ERC2: variants seen among roughly 807,000 people sequenced by gnomAD.
ERC2 encodes ERC protein 2.
Under a neutral mutation model 114.8 loss-of-function variants are expected in ERC2, and 42 were observed. The observed-to-expected ratio is 0.37, with a 90% CI of 0.29 to 0.47. The LOEUF (loss-of-function observed/expected upper bound fraction) is 0.47. Ranked by LOEUF, ERC2 falls within the 20% of genes least tolerant of loss-of-function variation. The pLI is 0.99. For missense variants in ERC2, 939 were observed against 1,150.7 expected, an observed-to-expected ratio of 0.82 and a Z score of 2.66; for synonymous variants, 454 against 425.5, an observed-to-expected ratio of 1.07 and a Z score of -0.82.
At chr3:56,283,266 G>T (rs1302535293) in intron 3 of ERC2, among the ~76,000 whole-genome samples, 1 of 152,194 alleles carries the variant, frequency 6.6e-6, no homozygotes, top group Non-Finnish European at 1.5e-5. Context: ...CATCATGAAA[G>T]TATTGCAACA....
intron 17 of ERC2, among the ~76,000 whole-genome samples, chr3:55,675,291 G>T (rs929290449): frequency 6.6e-6 from 1 of 152,338 alleles, no homozygotes; most frequent in Middle Eastern, 3.4e-3. Context: ...AATGAGGGTT[G>T]CAGTAAGAGT....
chr3:56,069,221 G>A (rs1014484132), intron 7 of ERC2, among the ~76,000 whole-genome samples: 1 of 152,192 alleles, frequency 6.6e-6, no homozygotes, highest in African/African-American at 2.4e-5. Context: ...AACTGCTTTA[G>A]TTCCTAGCGG....
At chr3:55,857,143 T>A (rs2149254587) in intron 14 of ERC2, among the ~76,000 whole-genome samples, 1 of 152,258 alleles carries the variant, frequency 6.6e-6, no homozygotes, top group Non-Finnish European at 1.5e-5. Flanking sequence ...AATTGTATAC[T>A]TTATATTGGT....
intron 17 of ERC2, among the ~76,000 whole-genome samples, chr3:55,643,311 CA>C (rs1369869120): frequency 6.6e-6 from 1 of 152,026 alleles, no homozygotes; most frequent in Non-Finnish European, 1.5e-5. Flanking sequence ...GAAGATTTTT[CA>C]AAATCTTATT....
At chr3:56,414,734 A>G (rs2061081134) in intron 2 of ERC2, among the ~76,000 whole-genome samples, 1 of 151,776 alleles carries the variant, frequency 6.6e-6, no homozygotes, top group Non-Finnish European at 1.5e-5. Flanking sequence ...CAAAAAAAAA[A>G]AAAAGAAAAG....
intron 2 of ERC2, among the ~76,000 whole-genome samples, chr3:56,343,192 T>TCTCTCTCTCTCTCTCTCTCTCA (rs1376220124): frequency 1.7e-4 from 22 of 126,130 alleles, no homozygotes; most frequent in African/African-American, 6.7e-4. Flanking sequence ...TCTCTCTCTC[T>TCTCTCTCTCTCTCTCTCTCTCA]CACACACACA....
At chr3:55,572,091 C>T (rs146148745) in intron 17 of ERC2, among the ~76,000 whole-genome samples, 34 of 152,300 alleles carry the variant, frequency 2.2e-4, no homozygotes, top group African/African-American at 7.7e-4. Context: ...AGGGAGGTGG[C>T]GTTGGGACAG....
chr3:55,964,455 A>G (rs866500572), intron 12 of ERC2, among the ~76,000 whole-genome samples: 2 of 39,734 alleles, frequency 5.0e-5, no homozygotes, highest in Non-Finnish European at 1.1e-4. Context: ...GAAAGCTACA[A>G]TCTTTTTTTT....
At chr3:55,652,169 TG>T (rs1172685645) in intron 17 of ERC2, among the ~76,000 whole-genome samples, 1 of 152,188 alleles carries the variant, frequency 6.6e-6, no homozygotes, top group East Asian at 1.9e-4. Flanking sequence ...CACATCTGCA[TG>T]GGTTAAAAAA....
chr3:55,728,651 C>A (rs905589204), intron 15 of ERC2, among the ~76,000 whole-genome samples: 1 of 152,124 alleles, frequency 6.6e-6, no homozygotes, highest in African/African-American at 2.4e-5. Context: ...TGTTTCTGCC[C>A]ACTGAAGTTT....
chr3:56,467,932 G>A (rs2063624327), intron 1 of ERC2, among the ~76,000 whole-genome samples: 1 of 152,120 alleles, frequency 6.6e-6, no homozygotes. Context: ...CAGTGAGGGT[G>A]GCTGCCGGAG....
At chr3:55,678,934 C>T (rs1454583746) in intron 17 of ERC2, among the ~76,000 whole-genome samples, 4 of 152,174 alleles carry the variant, frequency 2.6e-5, no homozygotes, top group Non-Finnish European at 5.9e-5. Context: ...TCTGCATCTC[C>T]ACTACTGCTG....
At position 56,296,028 on chromosome 3, in the gene ERC2, A is replaced by T. The variant is rs2055406275; in HGVS notation, c.1065T>A (p.His355Gln). The T allele has an allele frequency of 6.3e-7, 1 of 1,591,622 alleles. No homozygotes were observed. Among genetic ancestry groups the T allele is most frequent in the East Asian group, 2.2e-5 (1 of 44,556 alleles). ...CAGTGAATGCTCTTACCTCTCTAAG[A>T]TGTATGTTTTCCTTCTCTTTCTGAT... Reference protein sequence around the residue: ...ILDQKEKENIHLREELHRRSQ... With the variant: ...ILDQKEKENIQLREELHRRSQ... Residue 355 changes from histidine to glutamine, a missense_variant, in exon 3 of 18, where the codon CAT (histidine) becomes CAA (glutamine). This residue lies in a region of ERC2 where 148 missense variants were observed against 159.1 expected (regional missense o/e 0.93). Coordinates refer to ENST00000288221, the MANE Select transcript of ERC2 (RefSeq NM_015576.3).
At chr3:56,283,395 C>T (rs1278194131) in intron 3 of ERC2, among the ~76,000 whole-genome samples, 3 of 152,048 alleles carry the variant, frequency 2.0e-5, no homozygotes, top group East Asian at 3.9e-4. Flanking sequence ...CTTGGGGAGG[C>T]CAAGGCAGGA....
intron 14 of ERC2, among the ~76,000 whole-genome samples, chr3:55,767,425 C>T (rs532280549): frequency 3.3e-5 from 5 of 152,306 alleles, no homozygotes; most frequent in Admixed American, 2.6e-4. Context: ...TAACTGTGGG[C>T]CCTTTGCTTT....
intron 3 of ERC2, among the ~76,000 whole-genome samples, chr3:56,291,219 T>A (rs17825379): frequency 0.26 from 38,954 of 152,122 alleles, 5,811 homozygotes; most frequent in Non-Finnish European, 0.33. Flanking sequence ...CAGAAAAAGC[T>A]AGAGAACAAG....
At chr3:55,809,030 C>G (rs1403181735) in intron 14 of ERC2, among the ~76,000 whole-genome samples, 1 of 151,552 alleles carries the variant, frequency 6.6e-6, no homozygotes, top group Non-Finnish European at 1.5e-5. Flanking sequence ...AGCTATGTCC[C>G]CCAGTGCAGT....
chr3:56,340,789 A>T (rs915633764), intron 2 of ERC2, among the ~76,000 whole-genome samples: 1 of 152,152 alleles, frequency 6.6e-6, no homozygotes, highest in Non-Finnish European at 1.5e-5. Flanking sequence ...ATCCTCAACA[A>T]TGAGCCAGAT....
At chr3:56,028,250 CT>C (rs1485235991) in intron 7 of ERC2, among the ~76,000 whole-genome samples, 1 of 151,984 alleles carries the variant, frequency 6.6e-6, no homozygotes, top group Non-Finnish European at 1.5e-5. Context: ...TAACCTTATT[CT>C]TTTTTCCCCA....
Sources: gnomAD v4.1 joint callset for allele counts (sites outside exome capture counted in the v4.1 genomes callset) on GRCh38, gnomAD v4.1.1 for gene constraint, gnomAD v4.1.1 regional missense constraint, MANE v1.5 for transcripts, NCBI Gene and HGNC (gene_info 2026-07-23, HGNC 2026-07-21) for gene names.